Variants in CDH18 observed in about 807,000 individuals in gnomAD.
CDH18 encodes the protein cadherin 18, also known as cadherin-18.
Under a neutral mutation model 67.9 loss-of-function variants are expected in CDH18, and 31 were observed. That is an observed-to-expected ratio of 0.46 (90% CI 0.34 to 0.62). The LOEUF is 0.62. Among genes scored for constraint, CDH18 ranks in the 20% least tolerant of loss-of-function variants. The probability of loss-of-function intolerance (pLI) is 0.01; values close to 1 mark genes in which losing one functional copy is unlikely to be tolerated. For missense variants in CDH18, 890 were observed against 975.5 expected (o/e 0.91, Z 1.17); for synonymous variants, 362 against 347.2 (o/e 1.04, Z -0.48).
chr5:20,515,402 G>C (rs1486145336), intron 1 of CDH18, among the ~76,000 whole-genome samples: 1 of 151,078 alleles, frequency 6.6e-6, no homozygotes, highest in African/African-American at 2.4e-5. Context: ...TATCATTCTT[G>C]TCCCAAACAG....
chr5:20,356,033 G>A (rs112583289), intron 1 of CDH18, among the ~76,000 whole-genome samples: 3,917 of 152,200 alleles, frequency 0.026, 123 homozygotes, highest in African/African-American at 0.071. Context: ...AGGAATATCA[G>A]TACATTTATT....
At chr5:19,807,222 G>A (rs1258963040) in intron 3 of CDH18, among the ~76,000 whole-genome samples, 1 of 151,956 alleles carries the variant, frequency 6.6e-6, no homozygotes, top group Non-Finnish European at 1.5e-5. Flanking sequence ...ATGTATGCTG[G>A]GCTTAATACC....
chr5:19,567,770 T>C (rs768901211), intron 8 of CDH18, among the ~76,000 whole-genome samples: 1 of 152,202 alleles, frequency 6.6e-6, no homozygotes, highest in Non-Finnish European at 1.5e-5. Context: ...ATATTTCATA[T>C]GCTAATAGAT....
intron 1 of CDH18, among the ~76,000 whole-genome samples, chr5:20,378,604 T>C (rs1743658522): frequency 6.6e-6 from 1 of 152,122 alleles, no homozygotes; most frequent in Admixed American, 6.5e-5. Flanking sequence ...TAGGAAACAA[T>C]AAAAATTAAC....
chr5:19,566,223 A>C (rs1214768450), intron 8 of CDH18, among the ~76,000 whole-genome samples: 11 of 152,188 alleles, frequency 7.2e-5, no homozygotes, highest in African/African-American at 2.7e-4. Context: ...ACAGGCAATA[A>C]CAAATGATGG....
chr5:20,223,749 T>A (rs1396719836), intron 2 of CDH18, among the ~76,000 whole-genome samples: 1 of 152,056 alleles, frequency 6.6e-6, no homozygotes, highest in Non-Finnish European at 1.5e-5. Context: ...CAGTTTATAA[T>A]AGGATTTATA....
intron 5 of CDH18, among the ~76,000 whole-genome samples, chr5:19,685,834 T>C (rs527249958): frequency 6.6e-6 from 1 of 152,234 alleles, no homozygotes; most frequent in East Asian, 1.9e-4. Context: ...AATCGACCAA[T>C]GGAAGCAGGA....
chr5:19,484,374 C>T (rs1254060942), intron 11 of CDH18, among the ~76,000 whole-genome samples: 1 of 152,060 alleles, frequency 6.6e-6, no homozygotes, highest in Non-Finnish European at 1.5e-5. Flanking sequence ...ATTCTAGAAC[C>T]CTGCTCAACA....
At chr5:20,123,268 C>T (rs1430269627) in intron 2 of CDH18, among the ~76,000 whole-genome samples, 1 of 152,086 alleles carries the variant, frequency 6.6e-6, no homozygotes, top group Non-Finnish European at 1.5e-5. Context: ...CTCAGATTTT[C>T]CACTGTGGGG....
At chr5:19,865,927 C>T (rs1417260568) in intron 2 of CDH18, among the ~76,000 whole-genome samples, 2 of 152,102 alleles carry the variant, frequency 1.3e-5, no homozygotes, top group Non-Finnish European at 2.9e-5. Flanking sequence ...TTGTCTAGAC[C>T]TGATTCAGGG....
intron 3 of CDH18, among the ~76,000 whole-genome samples, chr5:19,755,847 G>A (rs75699898): frequency 0.14 from 20,625 of 151,790 alleles, 3,567 homozygotes; most frequent in African/African-American, 0.4. Context: ...TGCCTGCTTT[G>A]TATTTGCTGA....
intron 3 of CDH18, among the ~76,000 whole-genome samples, chr5:19,792,281 G>T (rs902434473): frequency 6.6e-6 from 1 of 152,078 alleles, no homozygotes; most frequent in Admixed American, 6.6e-5. Flanking sequence ...CTAGAGCTGG[G>T]GCGTTCATCT....
intron 2 of CDH18, among the ~76,000 whole-genome samples, chr5:20,114,600 G>C (rs1379479445): frequency 6.6e-6 from 1 of 152,020 alleles, no homozygotes; most frequent in East Asian, 1.9e-4. Context: ...AGTTTGCTAG[G>C]AGTGGAAGAA....
rs551372738 is a variant in CDH18, at chr5:20,530,279, A to G, written c.-580+45183T>C. 3.5e-4 allele frequency among the ~76,000 whole-genome samples: 54 copies of G among 152,196 alleles called. 1 individual carries two copies. The highest frequency in any genetic ancestry group is 1.3e-3 in the African/African-American group (53 of 41,464). The stretch of plus-strand genomic sequence containing the variant: ...AAACATTCTATGCTAAAAGATAGGA[A>G]GAATCAATATGAAAATGGCGATGCT... On this transcript the variant is annotated intron_variant, in intron 1 of 14. Transcript: ENST00000507958.
intron 3 of CDH18, among the ~76,000 whole-genome samples, chr5:19,826,169 A>T (rs1328173259): frequency 1.3e-5 from 2 of 152,182 alleles, no homozygotes; most frequent in Non-Finnish European, 2.9e-5. Flanking sequence ...AACAGGCATG[A>T]AAAATAAAGA....
At chr5:19,873,857 A>G (rs1685736447) in intron 2 of CDH18, among the ~76,000 whole-genome samples, 2 of 152,110 alleles carry the variant, frequency 1.3e-5, no homozygotes, top group Admixed American at 1.3e-4. Context: ...CATGTTGCCC[A>G]GGCAGGTTGC....
chr5:19,604,567 ACACACACAC>A (rs1469394597), intron 6 of CDH18, among the ~76,000 whole-genome samples: 14 of 150,532 alleles, frequency 9.3e-5, no homozygotes, highest in Admixed American at 2.0e-4. Flanking sequence ...ACACACACAC[ACACACACAC>A]AAAGTATTCT....
At chr5:20,539,347 C>T (rs1756920849) in intron 1 of CDH18, among the ~76,000 whole-genome samples, 1 of 152,084 alleles carries the variant, frequency 6.6e-6, no homozygotes, top group African/African-American at 2.4e-5. Context: ...GTATAGCTTC[C>T]ATTCTAGTAA....
At chr5:19,903,350 A>T (rs1345463765) in intron 2 of CDH18, among the ~76,000 whole-genome samples, 4 of 151,640 alleles carry the variant, frequency 2.6e-5, no homozygotes, top group Non-Finnish European at 5.9e-5. Context: ...TTTGTAGGTT[A>T]TTAACCTTAC....
Sources: allele counts gnomAD v4.1 joint callset (sites outside exome capture counted in the v4.1 genomes callset), GRCh38; gene constraint gnomAD v4.1.1; transcripts MANE v1.5; gene names NCBI Gene and HGNC (gene_info 2026-07-23, HGNC 2026-07-21).